FAAP20: variants seen among roughly 807,000 people sequenced by gnomAD.
The protein encoded by FAAP20 is Fanconi anemia core complex-associated protein 20.
Under a neutral mutation model 16.2 loss-of-function variants are expected in FAAP20, and 12 were observed. The ratio of observed to expected loss-of-function variants is 0.74; its 90% CI spans 0.48 to 1.20. The LOEUF (loss-of-function observed/expected upper bound fraction) is 1.20, where lower values mean the gene tolerates loss of function less well. FAAP20 is among the 50% of genes most tolerant of loss of function. The pLI is 0.00. For synonymous variants in FAAP20, 141 were observed against 110.7 expected (o/e 1.27, Z -1.72); for missense variants, 288 against 245.8 (o/e 1.17, Z -1.15).
downstream of FAAP20, among the ~76,000 whole-genome samples, chr1:2,208,250 G>A (rs897063393): frequency 6.6e-6 from 1 of 152,072 alleles, no homozygotes; most frequent in Admixed American, 6.5e-5. Flanking sequence ...CCATGGCCCT[G>A]GGTCCCAGGC....
upstream of FAAP20, among the ~76,000 whole-genome samples, chr1:2,195,561 G>C (rs553339522): frequency 2.6e-5 from 4 of 152,354 alleles, no homozygotes; most frequent in African/African-American, 9.6e-5. Flanking sequence ...GGCAGTTTCT[G>C]CCCTGCCCAG....
chr1:2,192,834 C>T (rs1688387826), intron 3 of FAAP20: 5 of 1,243,684 alleles, frequency 4.0e-6, no homozygotes, highest in Non-Finnish European at 5.3e-6. Context: ...TCCTGGGCTC[C>T]AGCAACCCAC....
upstream of FAAP20, among the ~76,000 whole-genome samples, chr1:2,204,762 T>G (rs1324044693): frequency 1.3e-5 from 2 of 152,144 alleles, no homozygotes; most frequent in African/African-American, 4.8e-5. Context: ...AGCAGTGAGC[T>G]GCAGGCTCAG....
At chr1:2,184,647 A>G (rs766577209), downstream of FAAP20, 3 of 1,614,026 alleles carry the variant, frequency 1.9e-6, no homozygotes, top group Non-Finnish European at 1.7e-6. Flanking sequence ...GGTCTGGACA[A>G]CTTTGACACA....
At chr1:2,207,829 A>G (rs1689317390), downstream of FAAP20, 1 of 151,938 alleles carries the variant, frequency 6.6e-6, no homozygotes, top group Non-Finnish European at 1.5e-5. Flanking sequence ...ATGGGACCTC[A>G]TCCCTGCTCC....
upstream of FAAP20, among the ~76,000 whole-genome samples, chr1:2,202,927 G>A (rs1348261064): frequency 1.3e-5 from 2 of 152,196 alleles, no homozygotes; most frequent in African/African-American, 2.4e-5. Flanking sequence ...ACTTTGTGGT[G>A]TGAGGGATGA....
At chr1:2,192,226 G>A (rs560843024) in intron 3 of FAAP20, 1 of 986,146 alleles carries the variant, frequency 1.0e-6, no homozygotes, top group South Asian at 4.7e-5. Context: ...CAAAGATATG[G>A]GGCTTGTCCC....
At chr1:2,210,206 T>C (rs914760550), downstream of FAAP20, among the ~76,000 whole-genome samples, 5 of 151,966 alleles carry the variant, frequency 3.3e-5, no homozygotes, top group African/African-American at 1.2e-4. Context: ...CAGAGGCGAG[T>C]TGGGACTTCA....
At chr1:2,201,387 T>A (rs1301923553), upstream of FAAP20, among the ~76,000 whole-genome samples, 1 of 152,088 alleles carries the variant, frequency 6.6e-6, no homozygotes, top group Non-Finnish European at 1.5e-5. Flanking sequence ...GGGGCTTAGG[T>A]CTTCTTTGTT....
chr1:2,212,563 C>T (rs1638234396), exon 1 of FAAP20: 1 of 158,764 alleles, frequency 6.3e-6, no homozygotes, highest in Non-Finnish European at 1.3e-5. Context: ...AAGGCCTGGG[C>T]GGCAGGAAAG....
upstream of FAAP20, chr1:2,200,904 G>C: frequency 8.9e-7 from 1 of 1,120,306 alleles, no homozygotes; most frequent in East Asian, 7.4e-5. Flanking sequence ...GGAGTCCCCA[G>C]GGAAGGTCTG....
intron 1 of FAAP20, among the ~76,000 whole-genome samples, chr1:2,206,877 C>CT (rs1689278601): frequency 6.6e-6 from 1 of 151,798 alleles, no homozygotes. Flanking sequence ...CCACGAGCCC[C>CT]AGGCCACGGC....
At chr1:2,211,435 A>ATTT (rs1164460550), downstream of FAAP20, among the ~76,000 whole-genome samples, 5 of 8,562 alleles carry the variant, frequency 5.8e-4, no homozygotes, top group African/African-American at 9.4e-4. Context: ...ATATATATAT[A>ATTT]TTTTTTTTTT....
downstream of FAAP20, among the ~76,000 whole-genome samples, chr1:2,208,882 G>A (rs555946968): frequency 1.1e-3 from 170 of 152,296 alleles, no homozygotes; most frequent in Middle Eastern, 3.4e-3. Context: ...AATCGATTCC[G>A]CTTATTGGGC....
downstream of FAAP20, among the ~76,000 whole-genome samples, chr1:2,208,198 G>A (rs936437132): frequency 1.3e-5 from 2 of 152,044 alleles, no homozygotes; most frequent in Admixed American, 6.5e-5. Flanking sequence ...TGGCCCTAGG[G>A]CCTGGGCTTC....
chr1:2,199,380 C>T (rs1688957431), upstream of FAAP20: 3 of 1,018,452 alleles, frequency 2.9e-6, no homozygotes, highest in Non-Finnish European at 2.4e-6. This position sits in a 1 kb window ranked among gnomAD's most constrained non-coding sequence, Gnocchi z 4.5. Flanking sequence ...TCCCCCCGCC[C>T]GGAGAAGCTT....
chr1:2,208,358 C>T (rs1689342714), downstream of FAAP20, among the ~76,000 whole-genome samples: 1 of 152,210 alleles, frequency 6.6e-6, no homozygotes, highest in Admixed American at 6.5e-5. Flanking sequence ...GTCTCCCTCC[C>T]TTCCTCTCTC....
At chr1:2,194,273 G>C in intron 1 of FAAP20, 140 bp from the exon 2 acceptor site, 1 of 1,191,366 alleles carries the variant, frequency 8.4e-7, no homozygotes, top group Non-Finnish European at 1.1e-6. Context: ...GAGGTGGCCG[G>C]CAGGGTTGGG....
intron 3 of FAAP20, chr1:2,191,695 CAT>C: frequency 3.0e-6 from 1 of 328,380 alleles, no homozygotes; most frequent in East Asian, 1.7e-4. Flanking sequence ...GAGCCGAGAT[CAT>C]GCCACTGCAC....
Sources: allele counts gnomAD v4.1 joint callset (sites outside exome capture counted in the v4.1 genomes callset), GRCh38; gene constraint gnomAD v4.1.1; non-coding constraint Gnocchi (gnomAD v3.1); transcripts MANE v1.5; gene names NCBI Gene and HGNC (gene_info 2026-07-23, HGNC 2026-07-21).